Variants in ADCK2 observed in about 807,000 individuals in gnomAD.
The protein encoded by ADCK2 is uncharacterized aarF domain-containing protein kinase 2.
In ADCK2, 37 loss-of-function variants were observed where a neutral mutation model predicts 52.3. The ratio of observed to expected loss-of-function variants is 0.71; its 90% CI spans 0.54 to 0.93. ADCK2 has a LOEUF of 0.93. Ranked by LOEUF, ADCK2 falls within the 40% of genes least tolerant of loss-of-function variation. ADCK2 has a pLI of 0.00. For synonymous variants in ADCK2, 321 were observed against 349.2 expected, an observed-to-expected ratio of 0.92 and a Z score of 0.90; for missense variants, 695 against 798.7, an observed-to-expected ratio of 0.87 and a Z score of 1.56.
Position 140,673,081 on chromosome 7 carries a change from C to T in ADCK2, c.-250C>T, listed in dbSNP as rs906793821. The T allele has an allele frequency of 2.0e-5, 5 of 247,950 alleles. No homozygotes were observed. The highest frequency in any genetic ancestry group is 4.6e-5 in the African/African-American group (2 of 43,426). 15.4% of individuals were successfully genotyped at this position (247,950 alleles called of 1,614,324 possible). On this transcript the variant is annotated 5_prime_UTR_variant, in exon 1 of 8. Transcript: ENST00000072869. The surrounding 1 kb of genome is among the most constrained non-coding windows in gnomAD (Gnocchi z 6.4). The stretch of plus-strand genomic sequence containing the variant: ...TGGCTTCGCGTGGGTCCTGGCTCCT[C>T]CCGTTCCGCAGTTGGTGCCGTCTGA...
At chr7:140,686,579 CTTAT>C (rs915798811) in intron 4 of ADCK2, among the ~76,000 whole-genome samples, 12 of 152,048 alleles carry the variant, frequency 7.9e-5, no homozygotes, top group Admixed American at 1.3e-4. Flanking sequence ...CACACCCGGC[CTTAT>C]TTATTTATTT....
Position 140,689,742 on chromosome 7 carries a change from C to T in ADCK2, c.1686+17C>T, listed in dbSNP as rs763172314. On this transcript the variant is annotated intron_variant, in intron 6 of 7. Transcript: ENST00000072869. ...CTGGAGAAGGTGGGCAGGTCACTTG[C>T]GGAACAGGGGCTGGGGAGTCCATAC... 2.6e-5 allele frequency: 41 copies of T among 1,603,428 alleles called. No homozygotes were observed. In the Middle Eastern group the frequency reaches 5.1e-4, roughly 20 times the overall value.
intron 5 of ADCK2, among the ~76,000 whole-genome samples, chr7:140,688,205 G>A (rs781762496): frequency 1.3e-5 from 2 of 151,996 alleles, no homozygotes; most frequent in Non-Finnish European, 1.5e-5. Flanking sequence ...CACCATGCCC[G>A]GCCACTTTTT....
At chr7:140,682,927 G>A (rs1794540583) in intron 4 of ADCK2, among the ~76,000 whole-genome samples, 1 of 149,370 alleles carries the variant, frequency 6.7e-6, no homozygotes, top group Admixed American at 6.7e-5. Flanking sequence ...CCTGAGCCCA[G>A]GAGATGGAGG....
At chr7:140,686,377 T>A (rs1794605013) in intron 4 of ADCK2, among the ~76,000 whole-genome samples, 1 of 152,106 alleles carries the variant, frequency 6.6e-6, no homozygotes, top group African/African-American at 2.4e-5. Flanking sequence ...GCCTCCCAGG[T>A]TCAAGCCATT....
chr7:140,677,265 G>A (rs965133449), intron 2 of ADCK2, among the ~76,000 whole-genome samples: 6 of 151,942 alleles, frequency 3.9e-5, no homozygotes, highest in South Asian at 4.2e-4. Context: ...AAAATTAGCC[G>A]GGCATGGTGG....
intron 5 of ADCK2, 33 bp downstream of exon 5, chr7:140,687,274 G>C: frequency 6.6e-7 from 1 of 1,517,680 alleles, no homozygotes; most frequent in Non-Finnish European, 8.9e-7. Flanking sequence ...AAGTTGGGGT[G>C]AATTTTTTTT....
At chr7:140,694,579 G>T in intron 7 of ADCK2, 84 bp from the exon 8 acceptor site, 1 of 1,369,854 alleles carries the variant, frequency 7.3e-7, no homozygotes, top group Admixed American at 1.9e-5. Context: ...GGGAGGCTGA[G>T]AGTGGACAGC....
chr7:140,686,942 T>G, intron 4 of ADCK2, 48 bp from the exon 5 acceptor site: 1 of 1,593,184 alleles, frequency 6.3e-7, no homozygotes, highest in South Asian at 1.1e-5. Flanking sequence ...TGTAGGTTGG[T>G]GGTGCTCTAG....
chr7:140,678,217 G>A lies in ADCK2; in HGVS notation c.1081-938G>A, dbSNP rs1794452849. Among the ~76,000 whole-genome samples the A allele has an allele frequency of 1.3e-5, 2 of 152,306 alleles. No individual in the cohort carries two copies. The highest frequency in any genetic ancestry group is 1.3e-4 in the Admixed American group (2 of 15,304). ...GTGAGGCTGCAAACTTGATGGCATT[G>A]GGCCATTGCTGTGCACGGAGGGGAA... On this transcript the variant is annotated intron_variant, in intron 2 of 7. Transcript: ENST00000072869. The surrounding 1 kb of genome is among the most constrained non-coding windows in gnomAD (Gnocchi z 4.9).
At chr7:140,676,178 T>G (rs1488618091) in intron 2 of ADCK2, among the ~76,000 whole-genome samples, 1 of 152,180 alleles carries the variant, frequency 6.6e-6, no homozygotes, top group East Asian at 1.9e-4. Context: ...GGCCCCACTT[T>G]CTGGTTCATA....
chr7:140,688,561 C>T (rs562482739), intron 5 of ADCK2, among the ~76,000 whole-genome samples: 3 of 152,226 alleles, frequency 2.0e-5, no homozygotes, highest in East Asian at 3.8e-4. Flanking sequence ...AGTGCTGTTT[C>T]GTGTTAGTAG....
At chr7:140,682,998 CAAAAAAA>C (rs34792260) in intron 4 of ADCK2, among the ~76,000 whole-genome samples, 8,782 of 55,198 alleles carry the variant, frequency 0.16, 1,078 homozygotes, top group African/African-American at 0.39. Flanking sequence ...GACTCTGTCT[CAAAAAAA>C]AAAAAAAAAA....
Position 140,673,952 on chromosome 7 carries a change from T to C in ADCK2, c.622T>C (p.Ser208Pro). ...LSFENREPVGSGCVAQVYKAY... is the reference protein window; with the variant it reads ...LSFENREPVGPGCVAQVYKAY... The stretch of plus-strand genomic sequence containing the variant: ...TTTTGAGAACCGGGAACCTGTGGGC[T>C]CAGGCTGCGTGGCCCAGGTGTACAA... Residue 208 changes from serine to proline, a missense_variant, in exon 1 of 8, where the codon TCA becomes CCA. Ser to Pro is a moderately conservative substitution (Grantham distance 74, BLOSUM62 -1). Transcript: ENST00000072869. The surrounding 1 kb of genome is among the most constrained non-coding windows in gnomAD (Gnocchi z 6.4). 6.2e-7 allele frequency: 1 copy of C among 1,614,024 alleles called. No homozygotes were observed. The highest frequency in any genetic ancestry group is 8.5e-7 in the Non-Finnish European group (1 of 1,180,034).
Position 140,674,875 on chromosome 7 carries a change from A to AT in ADCK2, c.1080+118_1080+119insT. The AT allele has an allele frequency of 8.0e-7, 1 of 1,252,946 alleles. No homozygotes were observed. The highest frequency in any genetic ancestry group is 1.1e-6 in the Non-Finnish European group (1 of 923,372). 77.6% of individuals were successfully genotyped at this position (1,252,946 alleles called of 1,614,324 possible). A position where few individuals can be genotyped will look rare whatever the true frequency, so the allele number is the denominator to read the frequency against. On this transcript the variant is annotated intron_variant, in intron 2 of 7. Transcript: ENST00000072869. This position sits in a 1 kb window ranked among gnomAD's most constrained non-coding sequence, Gnocchi z 4.6. The stretch of plus-strand genomic sequence containing the variant: ...TATGTCATAACTCATGTGATGTGTT[A>AT]GAGCTGGTAACACTAGCTGATAAAG...
rs57302302 is a variant in ADCK2, at chr7:140,679,662, CTTTTTTT to C, written c.1209+401_1209+407del. On this transcript the variant is annotated intron_variant, in intron 3 of 7. Transcript: ENST00000072869. The stretch of plus-strand genomic sequence containing the variant: ...TCTACTCTAGTTCAGCCTTCTCTCT[CTTTTTTT>C]TTTTTTTTTTTTTTTTTTTTTGAGA... Among the ~76,000 whole-genome samples, 607 of 75,304 alleles carry C rather than the reference CTTTTTTT, an allele frequency of 8.1e-3. 5 individuals carry two copies. The highest frequency in any genetic ancestry group is 0.026 in the African/African-American group (577 of 21,932). The allele number at this position is 75,304 out of a possible 152,430, so 49.4% of individuals were successfully genotyped here. A position where few individuals can be genotyped will look rare whatever the true frequency, so the allele number is the denominator to read the frequency against.
At position 140,674,695 on chromosome 7, in the gene ADCK2, G is replaced by C; in HGVS notation, c.1018G>C (p.Gly340Arg). ...CAGCCGAGTCCTGGGAGTTTTGCCA[G>C]GCATCAAGTGGCTTAGCTTGCCTGA... is the stretch of plus-strand genomic sequence containing the variant. ...IGSRVLGVLP[G>R]IKWLSLPEIV... The change falls in exon 2 of 8, where the codon GGC becomes CGC. Residue 340 changes from glycine (G) to arginine (R), a missense_variant. Gly to Arg is a moderately radical substitution (Grantham distance 125). Transcript: ENST00000072869. The surrounding 1 kb of genome is among the most constrained non-coding windows in gnomAD (Gnocchi z 4.6). The C allele has an allele frequency of 6.2e-7, 1 of 1,614,154 alleles. No individual in the cohort carries two copies. Among genetic ancestry groups the C allele is most frequent in the Non-Finnish European group, 8.5e-7 (1 of 1,180,024 alleles).
In ADCK2 at chr7:140,693,785, C is replaced by G. The variant is rs1427430863; in HGVS notation, c.1741-878C>G. The stretch of plus-strand genomic sequence containing the variant: ...AGTGCAGTGGAGCCATCCTGGCTCA[C>G]TGCAAGCTCTGCCTCCCGAGTTCAG... On this transcript the variant is annotated intron_variant, in intron 7 of 7. Transcript: ENST00000072869. This position sits in a 1 kb window ranked among gnomAD's most constrained non-coding sequence, Gnocchi z 4.0. Among the ~76,000 whole-genome samples, 1 of 152,162 alleles carries G rather than the reference C, an allele frequency of 6.6e-6. No individual in the cohort carries two copies. The highest frequency in any genetic ancestry group is 1.5e-5 in the Non-Finnish European group (1 of 68,018).
rs1801656839 is a variant in ADCK2 at position 140,673,083 on chromosome 7, C to G, written c.-248C>G. The G allele has an allele frequency of 4.0e-6, 1 of 251,002 alleles. No homozygotes were observed. Among genetic ancestry groups the G allele is most frequent in the Admixed American group, 5.7e-5 (1 of 17,690 alleles). The allele number at this position is 251,002 out of a possible 1,614,324, so 15.5% of individuals were successfully genotyped here. A position where few individuals can be genotyped will look rare whatever the true frequency, so the allele number is the denominator to read the frequency against. On this transcript the variant is annotated 5_prime_UTR_variant, in exon 1 of 8. Transcript: ENST00000072869. This position sits in a 1 kb window ranked among gnomAD's most constrained non-coding sequence, Gnocchi z 6.4. ...GCTTCGCGTGGGTCCTGGCTCCTCC[C>G]GTTCCGCAGTTGGTGCCGTCTGACA...
Sources: gnomAD v4.1 joint callset for allele counts (sites outside exome capture counted in the v4.1 genomes callset) on GRCh38, gnomAD v4.1.1 for gene constraint, Gnocchi (gnomAD v3.1) non-coding constraint, MANE v1.5 for transcripts, NCBI Gene and HGNC (gene_info 2026-07-23, HGNC 2026-07-21) for gene names.